Variants in DACH1 observed in about 807,000 individuals in gnomAD.
DACH1 encodes the protein dachshund homolog 1.
A neutral mutation model predicts 54.2 loss-of-function variants in DACH1; 12 were observed. That is an observed-to-expected ratio of 0.22 (90% CI 0.14 to 0.36). The LOEUF (loss-of-function observed/expected upper bound fraction) is 0.36. Ranked by LOEUF, DACH1 falls within the 10% of genes least tolerant of loss-of-function variation. DACH1 has a pLI of 1.00. For synonymous variants in DACH1, 386 were observed against 366.2 expected, an observed-to-expected ratio of 1.05 and a Z score of -0.62; for missense variants, 805 against 929.8, an observed-to-expected ratio of 0.87 and a Z score of 1.75.
At chr13:71,764,282 C>A (rs1342425543) in intron 1 of DACH1, among the ~76,000 whole-genome samples, 5 of 152,060 alleles carry the variant, frequency 3.3e-5, no homozygotes, top group African/African-American at 1.2e-4. Flanking sequence ...TTCCTATAGT[C>A]CCAGCTACTT....
At position 71,655,523 on chromosome 13, in the gene DACH1, AC is replaced by A. The variant is rs375270652; in HGVS notation, c.965-24807del. Among the ~76,000 whole-genome samples, 502 of 151,880 alleles carry A rather than the reference AC, an allele frequency of 3.3e-3. 9 individuals carry two copies. The highest frequency in any genetic ancestry group is 0.023 in the Admixed American group (347 of 15,246). ...GTAGCTGGGATTACAGGTGCCCGCCACCATGCCCGGCTAATTTTGTATTTTT... is the reference window on the plus strand; with the variant it reads ...GTAGCTGGGATTACAGGTGCCCGCCACATGCCCGGCTAATTTTGTATTTTT... On this transcript the variant is annotated intron_variant, in intron 2 of 10. Coordinates refer to ENST00000613252, the MANE Select transcript of DACH1 (RefSeq NM_080759.6).
chr13:71,623,898 C>T (rs1161575048), intron 3 of DACH1, among the ~76,000 whole-genome samples: 1 of 151,804 alleles, frequency 6.6e-6, no homozygotes, highest in Admixed American at 6.6e-5. Flanking sequence ...TCACATTTTA[C>T]ACAATGATGT....
chr13:71,554,464 CT>C (rs1884108829), intron 6 of DACH1, among the ~76,000 whole-genome samples: 1 of 152,016 alleles, frequency 6.6e-6, no homozygotes, highest in African/African-American at 2.4e-5. Flanking sequence ...TTTATAAAAC[CT>C]TGATGTAAGT....
intron 10 of DACH1, among the ~76,000 whole-genome samples, chr13:71,465,483 C>T (rs1339001643): frequency 2.0e-5 from 3 of 151,936 alleles, no homozygotes; most frequent in African/African-American, 7.2e-5. Context: ...GGGATGAATA[C>T]AAAAAGAGGA....
At chr13:71,588,221 A>T (rs1008838048) in intron 3 of DACH1, among the ~76,000 whole-genome samples, 2 of 152,124 alleles carry the variant, frequency 1.3e-5, no homozygotes, top group African/African-American at 2.4e-5. Context: ...CTGCAGCTTT[A>T]TCACAGGACA....
intron 1 of DACH1, among the ~76,000 whole-genome samples, chr13:71,688,702 C>T (rs1407624941): frequency 6.6e-6 from 1 of 152,152 alleles, no homozygotes; most frequent in Non-Finnish European, 1.5e-5. Context: ...ACCTTGTGAA[C>T]ACTTTCAGCT....
intron 10 of DACH1, among the ~76,000 whole-genome samples, chr13:71,464,072 T>A (rs1876339754): frequency 6.6e-6 from 1 of 151,970 alleles, no homozygotes; most frequent in Non-Finnish European, 1.5e-5. Flanking sequence ...CAAATAGATT[T>A]TTACAGACTA....
chr13:71,672,022 G>A (rs1222832275), intron 2 of DACH1, among the ~76,000 whole-genome samples: 1 of 152,078 alleles, frequency 6.6e-6, no homozygotes, highest in Non-Finnish European at 1.5e-5. Context: ...CTATCAGCAT[G>A]ACTGTTCTCT....
At chr13:71,467,355 G>T (rs906382062) in intron 10 of DACH1, among the ~76,000 whole-genome samples, 2 of 119,042 alleles carry the variant, frequency 1.7e-5, no homozygotes, top group South Asian at 6.9e-4. Flanking sequence ...GTTGTGGGGT[G>T]GGGGGAGGGG....
chr13:71,622,953 A>AT (rs1362960393), intron 3 of DACH1, among the ~76,000 whole-genome samples: 1 of 151,776 alleles, frequency 6.6e-6, no homozygotes, highest in Non-Finnish European at 1.5e-5. Context: ...AGTAAAAAAA[A>AT]GTTTTCATGA....
At chr13:71,500,125 T>G (rs948608459) in intron 6 of DACH1, among the ~76,000 whole-genome samples, 4 of 152,210 alleles carry the variant, frequency 2.6e-5, no homozygotes, top group African/African-American at 9.6e-5. Context: ...CTGCATTCCC[T>G]TGATAACTCT....
At chr13:71,558,408 A>T (rs1884389213) in intron 5 of DACH1, among the ~76,000 whole-genome samples, 1 of 152,040 alleles carries the variant, frequency 6.6e-6, no homozygotes, top group Non-Finnish European at 1.5e-5. Context: ...GGCATACAAA[A>T]ATGTCTCCTT....
intron 4 of DACH1, among the ~76,000 whole-genome samples, chr13:71,563,022 A>T (rs1475946750): frequency 6.6e-6 from 1 of 152,052 alleles, no homozygotes; most frequent in Non-Finnish European, 1.5e-5. Flanking sequence ...ATGTCCAGAG[A>T]TATACTCTTA....
At position 71,860,350 on chromosome 13, in the gene DACH1, A is replaced by G. The variant is rs1874270506; in HGVS notation, c.848+5572T>C. ...GTCATTCTATTTTTATAACAATTCA[A>G]ACATAAAATGATAAAACTTTATCTT... is the stretch of plus-strand genomic sequence containing the variant. On this transcript the variant is annotated intron_variant, in intron 1 of 10. Transcript: ENST00000613252. Among the ~76,000 whole-genome samples the G allele has an allele frequency of 1.3e-5, 2 of 151,710 alleles. 1 individual carries two copies. Among genetic ancestry groups the G allele is most frequent in the South Asian group, 4.1e-4 (2 of 4,830 alleles).
intron 2 of DACH1, among the ~76,000 whole-genome samples, chr13:71,667,629 A>G (rs768099641): frequency 2.0e-5 from 3 of 152,220 alleles, no homozygotes; most frequent in Non-Finnish European, 4.4e-5. Flanking sequence ...AATTCATAGA[A>G]TATTATTATG....
Position 71,867,054 on chromosome 13 carries a change from G to A in DACH1, c.-285C>T, listed in dbSNP as rs1874878233. ...TCTCCGGGGGCTGGGATCGAGGGCT[G>A]GTTTGGGGGTGGGGGTGGGGCGGGG... is the stretch of plus-strand genomic sequence containing the variant. On this transcript the variant is annotated 5_prime_UTR_variant, in exon 1 of 11. Coordinates refer to ENST00000613252, the MANE Select transcript of DACH1 (RefSeq NM_080759.6). 1 of 150,922 alleles carries A rather than the reference G, an allele frequency of 6.6e-6. No individual in the cohort carries two copies. The highest frequency in any genetic ancestry group is 1.4e-5 in the Non-Finnish European group (1 of 73,886). 9.3% of individuals were successfully genotyped at this position (150,922 alleles called of 1,614,324 possible).
At chr13:71,604,038 G>C (rs554682678) in intron 3 of DACH1, among the ~76,000 whole-genome samples, 2 of 151,908 alleles carry the variant, frequency 1.3e-5, no homozygotes, top group Admixed American at 1.3e-4. Flanking sequence ...TGGGGGGCTT[G>C]ATGGGATACA....
In DACH1 at chr13:71,480,527, C is replaced by T. The variant is rs183529992; in HGVS notation, c.1723-1211G>A. ...CTCCTAAGATACTTTGAAACAGTTA[C>T]TAGTAAAAATTAGAGCTAAAACTTC... On this transcript the variant is annotated intron_variant, in intron 7 of 10. Coordinates refer to ENST00000613252, the MANE Select transcript of DACH1 (RefSeq NM_080759.6). Among the ~76,000 whole-genome samples, 485 of 152,224 alleles carry T rather than the reference C, an allele frequency of 3.2e-3. 9 individuals carry two copies. The highest frequency in any genetic ancestry group is 0.022 in the Admixed American group (336 of 15,270).
At chr13:71,609,554 T>C (rs1875148202) in intron 3 of DACH1, among the ~76,000 whole-genome samples, 1 of 151,848 alleles carries the variant, frequency 6.6e-6, no homozygotes, top group African/African-American at 2.4e-5. Flanking sequence ...TTTTTTTTTC[T>C]TTGAGATGGA....
Sources: gnomAD v4.1 joint callset for allele counts (sites outside exome capture counted in the v4.1 genomes callset) on GRCh38, gnomAD v4.1.1 for gene constraint, MANE v1.5 for transcripts, NCBI Gene and HGNC (gene_info 2026-07-23, HGNC 2026-07-21) for gene names.